PRRT1B: variants seen among roughly 807,000 people sequenced by gnomAD.
The protein encoded by PRRT1B is dispanin subfamily D member 2.
At chr9:131,548,365 A>T (rs1950989085) in intron 1 of PRRT1B, among the ~76,000 whole-genome samples, 1 of 152,128 alleles carries the variant, frequency 6.6e-6, no homozygotes, top group South Asian at 2.1e-4. Flanking sequence ...TCAAGAACTT[A>T]AAACCTCTTT....
chr9:131,549,958 G>A (rs1950999671), intron 1 of PRRT1B, among the ~76,000 whole-genome samples: 1 of 152,012 alleles, frequency 6.6e-6, no homozygotes, highest in Non-Finnish European at 1.5e-5. Flanking sequence ...AGCCTCCTTT[G>A]TGTCTCCCTC....
chr9:131,546,393 G>A, intron 1 of PRRT1B, among the ~76,000 whole-genome samples: 1 of 152,172 alleles, frequency 6.6e-6, no homozygotes, highest in East Asian at 1.9e-4. Flanking sequence ...ACCCCCAGGC[G>A]TCAGGCGCTG....
At chr9:131,558,831 A>T (rs909381714), downstream of PRRT1B, among the ~76,000 whole-genome samples, 3 of 152,176 alleles carry the variant, frequency 2.0e-5, no homozygotes, top group African/African-American at 4.8e-5. Flanking sequence ...GCGGAGCTTC[A>T]CACTGCTACT....
intron 3 of PRRT1B, among the ~76,000 whole-genome samples, chr9:131,556,976 T>C (rs560179944): frequency 6.6e-6 from 1 of 151,860 alleles, no homozygotes; most frequent in Middle Eastern, 3.4e-3. Context: ...CATCCATCCA[T>C]CATCCATCTA....
At chr9:131,553,784 G>A (rs1382398726) in intron 1 of PRRT1B, among the ~76,000 whole-genome samples, 1 of 152,232 alleles carries the variant, frequency 6.6e-6, no homozygotes, top group Admixed American at 6.5e-5. Context: ...GCCACTCTGC[G>A]ATTCTCTTCC....
At chr9:131,557,526 A>G (rs886102160) in intron 3 of PRRT1B, among the ~76,000 whole-genome samples, 1 of 152,170 alleles carries the variant, frequency 6.6e-6, no homozygotes, top group African/African-American at 2.4e-5. Flanking sequence ...AGACGGAGCA[A>G]GACTCTGTCT....
downstream of PRRT1B, among the ~76,000 whole-genome samples, chr9:131,559,315 C>T (rs1023543535): frequency 5.9e-5 from 9 of 151,910 alleles, no homozygotes; most frequent in Admixed American, 2.6e-4. Flanking sequence ...TAGTGGCAGG[C>T]GCCTGTAATC....
chr9:131,550,258 C>T (rs1218241951), intron 1 of PRRT1B, among the ~76,000 whole-genome samples: 2 of 152,176 alleles, frequency 1.3e-5, no homozygotes, highest in Non-Finnish European at 2.9e-5. Context: ...TGATGCCAAA[C>T]CCATATACTC....
intron 1 of PRRT1B, among the ~76,000 whole-genome samples, chr9:131,552,130 A>G (rs1274724905): frequency 6.6e-6 from 1 of 152,176 alleles, no homozygotes; most frequent in Non-Finnish European, 1.5e-5. Context: ...ACTGTGATTT[A>G]TCTTCACTTT....
At chr9:131,552,991 C>G (rs1466547880) in intron 1 of PRRT1B, among the ~76,000 whole-genome samples, 2 of 152,118 alleles carry the variant, frequency 1.3e-5, no homozygotes. Flanking sequence ...TGGCCATTCT[C>G]TAAGTTTTGA....
At chr9:131,555,786 C>T (rs1337787575) in intron 2 of PRRT1B, among the ~76,000 whole-genome samples, 1 of 152,082 alleles carries the variant, frequency 6.6e-6, no homozygotes, top group East Asian at 1.9e-4. Flanking sequence ...CCAGTGAGGA[C>T]GATAGAGATA....
chr9:131,552,062 G>A (rs1047251739), intron 1 of PRRT1B, among the ~76,000 whole-genome samples: 4 of 152,092 alleles, frequency 2.6e-5, no homozygotes, highest in African/African-American at 9.7e-5. Context: ...CAAACTGCTG[G>A]GATTACCGGA....
At chr9:131,553,348 G>A (rs1951024526) in intron 1 of PRRT1B, among the ~76,000 whole-genome samples, 1 of 152,198 alleles carries the variant, frequency 6.6e-6, no homozygotes, top group Non-Finnish European at 1.5e-5. Flanking sequence ...CTTACAAAAT[G>A]TTTGTCAATG....
exon 2 of PRRT1B, chr9:131,554,988 C>A (rs1220115127): frequency 1.0e-5 from 4 of 394,040 alleles, no homozygotes; most frequent in Non-Finnish European, 1.8e-5. Flanking sequence ...GCCGCCCGCG[C>A]TCTTCTCGCC....
chr9:131,556,319 C>G (rs1269785673), intron 3 of PRRT1B, 106 bp downstream of exon 3: 2 of 398,128 alleles, frequency 5.0e-6, no homozygotes, highest in Non-Finnish European at 4.4e-6. Context: ...TCTGGTGTCT[C>G]TCCCTCTGGA....
At chr9:131,546,521 C>A (rs1045661886) in intron 1 of PRRT1B, among the ~76,000 whole-genome samples, 6 of 152,074 alleles carry the variant, frequency 3.9e-5, no homozygotes, top group South Asian at 4.1e-4. Flanking sequence ...ACTCCCCGCC[C>A]CCTCATCCCC....
downstream of PRRT1B, among the ~76,000 whole-genome samples, chr9:131,558,996 G>A (rs7040470): frequency 0.48 from 72,380 of 152,072 alleles, 18,469 homozygotes; most frequent in Middle Eastern, 0.62. Context: ...CTGGGTGCTC[G>A]TTTGATGAGG....
intron 1 of PRRT1B, among the ~76,000 whole-genome samples, chr9:131,547,325 G>A (rs188296337): frequency 9.2e-5 from 14 of 152,142 alleles, no homozygotes; most frequent in African/African-American, 2.9e-4. Flanking sequence ...AAAAGAAGTG[G>A]AAATGGCCTG....
At chr9:131,550,710 T>C (rs1951004466) in intron 1 of PRRT1B, among the ~76,000 whole-genome samples, 1 of 152,130 alleles carries the variant, frequency 6.6e-6, no homozygotes, top group Non-Finnish European at 1.5e-5. Context: ...TTATCCCTCA[T>C]GTCTGCGTGC....
Sources: gnomAD v4.1 joint callset for allele counts (sites outside exome capture counted in the v4.1 genomes callset) on GRCh38, gnomAD v4.1.1 for gene constraint, MANE v1.5 for transcripts, NCBI Gene and HGNC (gene_info 2026-07-23, HGNC 2026-07-21) for gene names.